Variants in MBP observed in about 807,000 individuals in gnomAD.
MBP encodes Golli-MBP.
In MBP, 16 loss-of-function variants were observed where a neutral mutation model predicts 35.8. That is an observed-to-expected ratio of 0.45 (90% CI 0.30 to 0.68). The LOEUF (loss-of-function observed/expected upper bound fraction) is 0.68. Ranked by LOEUF, MBP falls within the 30% of genes least tolerant of loss-of-function variation. The pLI is 0.08. For synonymous variants in MBP, 143 were observed against 159.6 expected (o/e 0.90, Z 0.78); for missense variants, 380 against 404.7 (o/e 0.94, Z 0.52).
rs1568354963 is a variant in MBP at position 77,131,121 on chromosome 18, C to CACACACACA, written c.-26+1458_-26+1459insTGTGTGTGT. 1.5e-5 allele frequency among the ~76,000 whole-genome samples: 1 copy of CACACACACA among 65,538 alleles called. No homozygotes were observed. Among genetic ancestry groups the CACACACACA allele is most frequent in the Admixed American group, 1.3e-4 (1 of 7,868 alleles). The allele number at this position is 65,538 out of a possible 152,430, so 43.0% of individuals were successfully genotyped here. A position where few individuals can be genotyped will look rare whatever the true frequency, so the allele number is the denominator to read the frequency against. ...CACACACACACACACACACACACAC[C>CACACACACA]CCCTCTGCCGCGGTACCCTTCCCCT... On this transcript the variant is annotated intron_variant, in intron 1 of 8. Transcript: ENST00000355994. The surrounding 1 kb of genome is among the most constrained non-coding windows in gnomAD (Gnocchi z 5.5).
intron 3 of MBP, among the ~76,000 whole-genome samples, chr18:77,036,378 A>G (rs7239250): frequency 2.2e-5 from 3 of 136,290 alleles, no homozygotes; most frequent in African/African-American, 3.0e-5. Context: ...TGGAGACAGA[A>G]CTGAGCAAGT....
intron 3 of MBP, among the ~76,000 whole-genome samples, chr18:77,043,914 C>T (rs747366847): frequency 9.9e-5 from 15 of 152,122 alleles, no homozygotes; most frequent in Admixed American, 2.0e-4. Context: ...CTTTCCAGGC[C>T]GGATCTGGTC....
chr18:77,049,141 G>A (rs3934445), intron 3 of MBP, among the ~76,000 whole-genome samples: 77,691 of 151,228 alleles, frequency 0.51, 21,045 homozygotes, highest in Admixed American at 0.61. Context: ...GGATGGTCTC[G>A]ATCTCTTGAC....
chr18:77,024,656 T>C (rs1395230107), intron 3 of MBP, among the ~76,000 whole-genome samples: 2 of 152,128 alleles, frequency 1.3e-5, no homozygotes, highest in Non-Finnish European at 2.9e-5. Flanking sequence ...CGACGGAGAA[T>C]CGGCCGTCGT....
In MBP at chr18:77,018,619, TC is replaced by T. The variant is rs1429194745; in HGVS notation, c.140-1352del. Among the ~76,000 whole-genome samples the T allele has an allele frequency of 3.2e-4, 44 of 136,754 alleles. 3 individuals are homozygous for T. The highest frequency in any genetic ancestry group is 1.2e-3 in the African/African-American group (43 of 35,476). 89.7% of individuals were successfully genotyped at this position (136,754 alleles called of 152,430 possible). On this transcript the variant is annotated intron_variant, in intron 3 of 8. Transcript: ENST00000355994. ...ACCCCTCCATCTATCCACTCATCCA[TC>T]CATCCATCCATCCATCCATCCACAT...
chr18:77,085,474 T>C (rs137983668), intron 2 of MBP, among the ~76,000 whole-genome samples: 2 of 152,292 alleles, frequency 1.3e-5, no homozygotes, highest in African/African-American at 4.8e-5. Flanking sequence ...ACTGTGAACA[T>C]TGAATGATCT....
At chr18:77,050,957 A>C (rs1973464696) in intron 3 of MBP, among the ~76,000 whole-genome samples, 1 of 149,468 alleles carries the variant, frequency 6.7e-6, no homozygotes, top group African/African-American at 2.4e-5. Flanking sequence ...AGTCATGGGG[A>C]CCACTAATTA....
At chr18:77,076,577 G>A (rs538590865) in intron 2 of MBP, among the ~76,000 whole-genome samples, 1 of 152,232 alleles carries the variant, frequency 6.6e-6, no homozygotes, top group South Asian at 2.1e-4. Context: ...CTTCAGTGCT[G>A]AGGTTTGGAA....
At chr18:77,046,920 C>T (rs1973281485) in intron 3 of MBP, among the ~76,000 whole-genome samples, 1 of 152,192 alleles carries the variant, frequency 6.6e-6, no homozygotes, top group Non-Finnish European at 1.5e-5. Context: ...GGCAGAATCT[C>T]TGATGCCAGG....
At chr18:77,096,072 C>G (rs1006386256) in intron 2 of MBP, among the ~76,000 whole-genome samples, 2 of 152,120 alleles carry the variant, frequency 1.3e-5, no homozygotes, top group Non-Finnish European at 2.9e-5. Flanking sequence ...ATCTCTTGCA[C>G]GTAGGATAAA....
At chr18:77,129,154 A>G (rs1424932908) in intron 1 of MBP, among the ~76,000 whole-genome samples, 1 of 152,190 alleles carries the variant, frequency 6.6e-6, no homozygotes, top group Non-Finnish European at 1.5e-5. Flanking sequence ...TGTATTCTAG[A>G]TCCTGGCCTC....
intron 1 of MBP, among the ~76,000 whole-genome samples, chr18:77,120,875 A>G (rs1976866566): frequency 6.6e-6 from 1 of 152,214 alleles, no homozygotes; most frequent in African/African-American, 2.4e-5. Context: ...TTGAATCTAC[A>G]AGATTTAGGA....
At chr18:77,007,083 C>A (rs1971026191) in intron 4 of MBP, among the ~76,000 whole-genome samples, 1 of 152,232 alleles carries the variant, frequency 6.6e-6, no homozygotes, top group Admixed American at 6.5e-5. Flanking sequence ...TTCCACCCAG[C>A]TGCTTCTGTC....
intron 7 of MBP, chr18:76,987,313 G>T: frequency 2.0e-6 from 2 of 985,400 alleles, no homozygotes; most frequent in Non-Finnish European, 2.4e-6. Context: ...AATTAATTGT[G>T]AGTACTAGTC....
At chr18:77,083,053 C>A (rs1183363503) in intron 2 of MBP, among the ~76,000 whole-genome samples, 1 of 151,810 alleles carries the variant, frequency 6.6e-6, no homozygotes. Flanking sequence ...TAGCTCACTG[C>A]AACTCCACCT....
chr18:77,073,880 T>G (rs1178955562), intron 2 of MBP, among the ~76,000 whole-genome samples: 1 of 152,248 alleles, frequency 6.6e-6, no homozygotes. Flanking sequence ...ACACATTTTA[T>G]TCTCAAGCTA....
At chr18:77,100,508 GGTGTGTGTGT>G (rs57715344) in intron 2 of MBP, among the ~76,000 whole-genome samples, 2,227 of 133,240 alleles carry the variant, frequency 0.017, 58 homozygotes, top group African/African-American at 0.051. Context: ...TAGAATTTGG[GGTGTGTGTGT>G]GTGTGTGTGT....
rs1205152139 is a variant in MBP at position 77,020,079 on chromosome 18, C to T, written c.140-2811G>A. Among the ~76,000 whole-genome samples the T allele has an allele frequency of 2.6e-5, 4 of 151,950 alleles. No homozygotes were observed. Among genetic ancestry groups the T allele is most frequent in the African/African-American group, 4.8e-5 (2 of 41,364 alleles). On this transcript the variant is annotated intron_variant, in intron 3 of 8. Coordinates refer to ENST00000355994, the MANE Select transcript of MBP (RefSeq NM_001025101.2). The surrounding 1 kb of genome is among the most constrained non-coding windows in gnomAD (Gnocchi z 4.1). ...AGACAGGGCTTGGTTTGGGGAGCAG[C>T]GGGGCCTGGGGAGGGAAGATTCTAG...
chr18:76,990,171 T>TA, intron 4 of MBP, 111 bp from the exon 5 acceptor site: 1 of 648,884 alleles, frequency 1.5e-6, no homozygotes, highest in Non-Finnish European at 2.7e-6. Context: ...TTTTTTTTTT[T>TA]AACAGTCAGG....
Sources: allele counts gnomAD v4.1 joint callset (sites outside exome capture counted in the v4.1 genomes callset), GRCh38; gene constraint gnomAD v4.1.1; non-coding constraint Gnocchi (gnomAD v3.1); transcripts MANE v1.5; gene names NCBI Gene and HGNC (gene_info 2026-07-23, HGNC 2026-07-21).